The following FAAH2 variants were observed in gnomAD, a reference collection of about 807,000 sequenced individuals.
The protein encoded by FAAH2 is fatty acid amide hydrolase 2.
In FAAH2, 60 loss-of-function variants were observed where a neutral mutation model predicts 36.9. That is an observed-to-expected ratio of 1.63 (90% CI 1.32 to 2.02). FAAH2 has a LOEUF of 2.02. Among genes scored for constraint, FAAH2 ranks in the 30% most tolerant of loss-of-function variants. The pLI, the probability that FAAH2 is intolerant of heterozygous loss-of-function variation, is 0.00. For synonymous variants in FAAH2, 214 were observed against 143.8 expected, an observed-to-expected ratio of 1.49 and a Z score of -3.49; for missense variants, 689 against 397.5, an observed-to-expected ratio of 1.73 and a Z score of -6.23.
chrX:57,197,413 C>A, the FAAH2 span, among the ~76,000 whole-genome samples: 104 of 111,568 alleles, frequency 9.3e-4, no homozygotes, highest in East Asian at 0.028. Flanking sequence ...TGCTGATGAG[C>A]TAGTATGACC....
At chrX:57,170,958 T>C in the FAAH2 span, among the ~76,000 whole-genome samples, 3 of 110,905 alleles carry the variant, frequency 2.7e-5, no homozygotes, top group Admixed American at 9.6e-5. Flanking sequence ...GATCTGCCCA[T>C]GTCGGCTTTC....
intron 3 of FAAH2, 122 bp from the exon 4 acceptor site, chrX:57,331,476 G>A: frequency 1.9e-6 from 1 of 538,891 alleles, no homozygotes; most frequent in Non-Finnish European, 3.0e-6. Flanking sequence ...TCTTTCCAAT[G>A]CCCCAACCCT....
chrX:57,345,897 A>G (rs1442841590), intron 5 of FAAH2, among the ~76,000 whole-genome samples: 1 of 111,660 alleles, frequency 9.0e-6, no homozygotes, highest in African/African-American at 3.2e-5. Flanking sequence ...GTTATTCAGG[A>G]AAAAGTTATT....
At chrX:57,277,197 T>G in the FAAH2 span, among the ~76,000 whole-genome samples, 1 of 111,567 alleles carries the variant, frequency 9.0e-6, no homozygotes, top group South Asian at 3.8e-4. Flanking sequence ...GCAAACCGAT[T>G]CCAGCAGCAC....
intron 8 of FAAH2, among the ~76,000 whole-genome samples, chrX:57,434,883 T>C (rs1338324875): frequency 9.0e-6 from 1 of 111,101 alleles, no homozygotes; most frequent in Non-Finnish European, 1.9e-5. Context: ...GAAAAATGCA[T>C]CTAGTCACCT....
intron 10 of FAAH2, among the ~76,000 whole-genome samples, chrX:57,468,092 A>G (rs1003174652): frequency 9.0e-6 from 1 of 111,717 alleles, no homozygotes; most frequent in East Asian, 2.8e-4. Flanking sequence ...CCAAAAATCC[A>G]TCTGTTGGTC....
At chrX:57,443,103 C>T (rs1181869066) in intron 8 of FAAH2, among the ~76,000 whole-genome samples, 1 of 111,519 alleles carries the variant, frequency 9.0e-6, no homozygotes, top group Admixed American at 9.6e-5. Flanking sequence ...AATTGCTCTT[C>T]TCGAGGAATA....
At chrX:57,366,520 C>T (rs755084635) in intron 5 of FAAH2, among the ~76,000 whole-genome samples, 3 of 112,408 alleles carry the variant, frequency 2.7e-5, no homozygotes, top group Non-Finnish European at 3.8e-5. Flanking sequence ...TGGGTGCACG[C>T]CAGTGGGGCA....
At chrX:57,466,525 A>G (rs2057054714) in intron 10 of FAAH2, among the ~76,000 whole-genome samples, 1 of 109,664 alleles carries the variant, frequency 9.1e-6, no homozygotes, top group South Asian at 3.8e-4. Context: ...TCAGGTATAT[A>G]AATACAACAA....
Position 57,394,740 on chromosome X carries a change from T to C in FAAH2, c.996+13711T>C. The C allele has an allele frequency of 1.4e-5, 12 of 875,222 alleles. No individual in the cohort carries two copies. In the Middle Eastern group the frequency reaches 3.2e-3, roughly 231 times the overall value. 72.1% of individuals were successfully genotyped at this position (875,222 alleles called of 1,213,427 possible). A position where few individuals can be genotyped will look rare whatever the true frequency, so the allele number is the denominator to read the frequency against. ...AGTTGATGACTATTGCTAGGTTTGA[T>C]CCATTCCCCTTTAACCATTTCAGGC... On this transcript the variant is annotated intron_variant, in intron 7 of 10. Transcript: ENST00000374900.
intron 10 of FAAH2, among the ~76,000 whole-genome samples, chrX:57,449,143 C>T (rs1236997977): frequency 8.9e-6 from 1 of 111,997 alleles, no homozygotes; most frequent in Non-Finnish European, 1.9e-5. Context: ...AGCTATCATC[C>T]CCTTTGAATT....
chrX:57,228,405 A>G, the FAAH2 span, among the ~76,000 whole-genome samples: 1 of 111,095 alleles, frequency 9.0e-6, no homozygotes, highest in Admixed American at 9.5e-5. Flanking sequence ...TCTCCCACAA[A>G]CAGACCTTCA....
At chrX:57,347,846 A>T (rs1222665236) in intron 5 of FAAH2, among the ~76,000 whole-genome samples, 10 of 109,052 alleles carry the variant, frequency 9.2e-5, no homozygotes, top group Non-Finnish European at 3.8e-5. Context: ...CTGGCAAAAA[A>T]TTTTTTGATG....
Position 57,488,842 on chromosome X carries a change from G to A in FAAH2, c.1509G>A (p.Val503=), listed in dbSNP as rs1487285326. 2 of 1,209,353 alleles carry A rather than the reference G, an allele frequency of 1.7e-6. No homozygotes were observed. Among genetic ancestry groups the A allele is most frequent in the Admixed American group, 4.4e-5 (2 of 45,615 alleles). ...GACTCCCTTTAGGCATCCAGGTTGT[G>A]GCTGGACCCTTTAATGATCATCTGA... ...AKGLPLGIQV[V]AGPFNDHLTL... is the part of the protein sequence containing the mutation. The change falls in exon 11 of 11, where the codon GTG becomes GTA. Residue 503 remains valine, a synonymous_variant. Transcript: ENST00000374900.
At chrX:57,443,717 G>A (rs760500723) in intron 8 of FAAH2, among the ~76,000 whole-genome samples, 2 of 111,852 alleles carry the variant, frequency 1.8e-5, no homozygotes, top group Admixed American at 1.9e-4. Context: ...CAGCTTTTCT[G>A]CTCTGGTTTC....
chrX:57,314,300 A>G (rs1284948083), intron 3 of FAAH2, among the ~76,000 whole-genome samples: 2 of 111,464 alleles, frequency 1.8e-5, no homozygotes, highest in Non-Finnish European at 3.8e-5. Context: ...GGAGATTTCA[A>G]AACCCCACTG....
chrX:57,392,908 G>A lies in FAAH2; in HGVS notation c.996+11879G>A. ...TGCTTTGTGTAGACTTCAGCTTTGT[G>A]TTGAGCTTTGAGGAGTAATTCAATG... On this transcript the variant is annotated intron_variant, in intron 7 of 10. Coordinates refer to ENST00000374900, the MANE Select transcript of FAAH2 (RefSeq NM_174912.4). 3.5e-6 allele frequency: 3 copies of A among 854,042 alleles called. No individual in the cohort carries two copies. The South Asian group carries it at 6.0e-5, about 17-fold the overall frequency. The allele number at this position is 854,042 out of a possible 1,213,427, so 70.4% of individuals were successfully genotyped here.
At chrX:57,255,741 A>C in the FAAH2 span, among the ~76,000 whole-genome samples, 2 of 111,908 alleles carry the variant, frequency 1.8e-5, no homozygotes, top group Non-Finnish European at 3.8e-5. Flanking sequence ...CATGCTAACA[A>C]CTCTCAATAA....
intron 10 of FAAH2, chrX:57,452,136 T>C: frequency 1.3e-6 from 1 of 753,124 alleles, no homozygotes; most frequent in East Asian, 1.5e-4. Flanking sequence ...TTTAGGTGTC[T>C]GTACTCAAAG....
Sources: gnomAD v4.1 joint callset for allele counts (sites outside exome capture counted in the v4.1 genomes callset) on GRCh38, gnomAD v4.1.1 for gene constraint, MANE v1.5 for transcripts, NCBI Gene and HGNC (gene_info 2026-07-23, HGNC 2026-07-21) for gene names.